The following CENPW variants were observed in gnomAD, a reference collection of about 807,000 sequenced individuals.
CENPW encodes cancer-up-regulated gene 2 protein.
CENPW carries 3 observed loss-of-function variants against 11.1 expected under a neutral mutation model. That is an observed-to-expected ratio of 0.27 (90% CI 0.12 to 0.70). The LOEUF (loss-of-function observed/expected upper bound fraction) is 0.70. Among genes scored for constraint, CENPW ranks in the 30% least tolerant of loss-of-function variants. The pLI is 0.77. For missense variants in CENPW, 100 were observed against 105.6 expected (o/e 0.95, Z 0.23); for synonymous variants, 38 against 42.0 (o/e 0.91, Z 0.37).
At chr6:126,421,196 C>G in the CENPW span, among the ~76,000 whole-genome samples, 1 of 152,116 alleles carries the variant, frequency 6.6e-6, no homozygotes, top group Non-Finnish European at 1.5e-5. Flanking sequence ...TTGTCCTCTA[C>G]TATTCCACAC....
the CENPW span, among the ~76,000 whole-genome samples, chr6:126,368,705 C>T: frequency 1.0e-3 from 154 of 151,536 alleles, no homozygotes; most frequent in South Asian, 0.015. Flanking sequence ...AGTGCAGTGG[C>T]GCAATCTCAG....
chr6:126,430,803 C>T, the CENPW span, among the ~76,000 whole-genome samples: 1 of 152,028 alleles, frequency 6.6e-6, no homozygotes, highest in Non-Finnish European at 1.5e-5. Flanking sequence ...CAAAAATTAG[C>T]CAGCTACTGG....
the CENPW span, among the ~76,000 whole-genome samples, chr6:126,398,462 G>A: frequency 6.6e-6 from 1 of 152,012 alleles, no homozygotes; most frequent in Admixed American, 6.6e-5. Context: ...CAAAATATAA[G>A]GATGCACAAG....
the CENPW span, among the ~76,000 whole-genome samples, chr6:126,467,562 A>G: frequency 6.6e-6 from 1 of 152,224 alleles, no homozygotes; most frequent in East Asian, 1.9e-4. Flanking sequence ...CAATTTGCTC[A>G]ACAAAGTACA....
At chr6:126,367,610 A>G in the CENPW span, among the ~76,000 whole-genome samples, 1 of 152,224 alleles carries the variant, frequency 6.6e-6, no homozygotes, top group Non-Finnish European at 1.5e-5. Context: ...AGAGACTGTC[A>G]GGAAGACTTC....
At chr6:126,480,573 G>T in the CENPW span, among the ~76,000 whole-genome samples, 13 of 151,936 alleles carry the variant, frequency 8.6e-5, no homozygotes, top group African/African-American at 3.1e-4. Context: ...ATTTGTTATT[G>T]ACAGGTCACC....
At chr6:126,428,744 G>T in the CENPW span, among the ~76,000 whole-genome samples, 1 of 152,080 alleles carries the variant, frequency 6.6e-6, no homozygotes, top group African/African-American at 2.4e-5. Context: ...AAAGTACTTT[G>T]CTCTTGATCC....
chr6:126,404,366 C>G, the CENPW span, among the ~76,000 whole-genome samples: 1 of 152,018 alleles, frequency 6.6e-6, no homozygotes, highest in African/African-American at 2.4e-5. Context: ...TGGATCTGAG[C>G]AAACTAAATT....
chr6:126,380,803 TA>T, the CENPW span, among the ~76,000 whole-genome samples: 1 of 152,208 alleles, frequency 6.6e-6, no homozygotes, highest in Non-Finnish European at 1.5e-5. Context: ...AATTTATTTT[TA>T]AAACTTTGTT....
At chr6:126,396,790 T>C in the CENPW span, among the ~76,000 whole-genome samples, 1 of 151,864 alleles carries the variant, frequency 6.6e-6, no homozygotes, top group East Asian at 1.9e-4. Context: ...CAGGACTGGG[T>C]TCTTCTCTTC....
At chr6:126,391,287 A>G in the CENPW span, among the ~76,000 whole-genome samples, 2 of 151,904 alleles carry the variant, frequency 1.3e-5, no homozygotes, top group African/African-American at 4.8e-5. Context: ...ATATGTATTC[A>G]GATCTTTTCC....
the CENPW span, among the ~76,000 whole-genome samples, chr6:126,392,649 T>A: frequency 1.3e-5 from 2 of 151,972 alleles, 1 homozygote; most frequent in Non-Finnish European, 2.9e-5. Context: ...CTGGGATAAA[T>A]CCCACTTGGT....
the CENPW span, among the ~76,000 whole-genome samples, chr6:126,408,821 AT>A: frequency 6.6e-6 from 1 of 151,744 alleles, no homozygotes; most frequent in Non-Finnish European, 1.5e-5. Flanking sequence ...ATCAATTATA[AT>A]TTTTTTGTTT....
chr6:126,349,106 T>C (rs1337680017), downstream of CENPW, among the ~76,000 whole-genome samples: 1 of 152,024 alleles, frequency 6.6e-6, no homozygotes, highest in East Asian at 1.9e-4. Flanking sequence ...TAATAGATAA[T>C]TTTTCCCCCT....
At chr6:126,435,997 T>A in the CENPW span, among the ~76,000 whole-genome samples, 1 of 151,908 alleles carries the variant, frequency 6.6e-6, no homozygotes, top group Non-Finnish European at 1.5e-5. Flanking sequence ...AATGATTGCA[T>A]ACAGTCAATT....
chr6:126,403,994 T>G, the CENPW span, among the ~76,000 whole-genome samples: 1 of 152,024 alleles, frequency 6.6e-6, no homozygotes, highest in Admixed American at 6.6e-5. Context: ...CATTTACAGT[T>G]CCAAAAATCC....
the CENPW span, among the ~76,000 whole-genome samples, chr6:126,403,030 TA>T: frequency 6.6e-6 from 1 of 152,118 alleles, no homozygotes; most frequent in Non-Finnish European, 1.5e-5. Context: ...TTATGTCTTT[TA>T]TGGTGATCTG....
chr6:126,379,714 C>G, the CENPW span, among the ~76,000 whole-genome samples: 1 of 152,146 alleles, frequency 6.6e-6, no homozygotes, highest in African/African-American at 2.4e-5. Flanking sequence ...GTAAAAACTC[C>G]ATGCTGTCAT....
the CENPW span, among the ~76,000 whole-genome samples, chr6:126,447,828 C>G: frequency 6.6e-6 from 1 of 151,226 alleles, no homozygotes; most frequent in Non-Finnish European, 1.5e-5. Context: ...AGCTAGGCCT[C>G]CTGGAACTGG....
Sources: gnomAD v4.1 joint callset for allele counts (sites outside exome capture counted in the v4.1 genomes callset) on GRCh38, gnomAD v4.1.1 for gene constraint, MANE v1.5 for transcripts, NCBI Gene and HGNC (gene_info 2026-07-23, HGNC 2026-07-21) for gene names.